Variants in CSMD1 observed in about 807,000 individuals in gnomAD.
CSMD1 encodes CUB and sushi domain-containing protein 1.
A neutral mutation model predicts 417.5 loss-of-function variants in CSMD1; 213 were observed. The ratio of observed to expected loss-of-function variants is 0.51; its 90% CI spans 0.46 to 0.57. The LOEUF is 0.57. CSMD1 is among the 20% of genes least tolerant of loss of function. The pLI is 0.00. For synonymous variants in CSMD1, 2,862 were observed against 1,736.8 expected (o/e 1.65, Z -16.11); for missense variants, 6,923 against 4,529.7 (o/e 1.53, Z -15.17).
intron 1 of CSMD1, among the ~76,000 whole-genome samples, chr8:4,793,787 A>G (rs1183273277): frequency 6.6e-6 from 1 of 151,068 alleles, no homozygotes; most frequent in Non-Finnish European, 1.5e-5. Flanking sequence ...TCTTTCTATG[A>G]CAAATCATGG....
rs377071972 is a variant in CSMD1, at chr8:3,586,149, C to T, written c.1209G>A (p.Arg403=). Residue 403 remains arginine (R), a synonymous_variant, in exon 9 of 70, where the codon AGG becomes AGA. Transcript: ENST00000635120. ...TETLAAWSDH[R]PICRARTCGS... ...CAGGTGCCTTACCTCGGCAGATGGGCCTGTGGTCACTCCAAGCAGCGAGCG... is the reference window on the plus strand; with the variant it reads ...CAGGTGCCTTACCTCGGCAGATGGGTCTGTGGTCACTCCAAGCAGCGAGCG... 1.7e-4 allele frequency: 273 copies of T among 1,612,624 alleles called. 2 individuals are homozygous for T. In the East Asian group the frequency reaches 4.2e-3, roughly 25 times the overall value.
chr8:3,435,870 C>T (rs931625727), intron 12 of CSMD1, among the ~76,000 whole-genome samples: 1 of 152,248 alleles, frequency 6.6e-6, no homozygotes, highest in Non-Finnish European at 1.5e-5. Flanking sequence ...GACTTTGCTT[C>T]TGCCCCACTG....
chr8:3,774,888 T>C (rs1042999993), intron 5 of CSMD1, among the ~76,000 whole-genome samples: 39 of 152,262 alleles, frequency 2.6e-4, no homozygotes, highest in African/African-American at 9.1e-4. Flanking sequence ...AGCCCATATG[T>C]ACACAATGTC....
chr8:3,078,603 A>C (rs1813858600), intron 49 of CSMD1, among the ~76,000 whole-genome samples: 1 of 152,228 alleles, frequency 6.6e-6, no homozygotes. Flanking sequence ...TACACAAGCT[A>C]AAAATGGCTT....
At chr8:3,452,372 A>T (rs1815790685) in intron 12 of CSMD1, among the ~76,000 whole-genome samples, 1 of 152,178 alleles carries the variant, frequency 6.6e-6, no homozygotes, top group South Asian at 2.1e-4. Flanking sequence ...CAGTGGTGAG[A>T]GAGGGCACTC....
chr8:4,205,204 C>T (rs942861722), intron 3 of CSMD1, among the ~76,000 whole-genome samples: 7 of 152,188 alleles, frequency 4.6e-5, no homozygotes, highest in South Asian at 2.1e-4. Context: ...AATAGCATTG[C>T]ACATTTCTCT....
intron 57 of CSMD1, among the ~76,000 whole-genome samples, chr8:2,968,199 A>T (rs1301931576): frequency 1.3e-5 from 2 of 152,374 alleles, no homozygotes; most frequent in East Asian, 3.9e-4. Context: ...ACAACTATTC[A>T]TTCAACAAAC....
chr8:3,403,957 C>G (rs1812192068), intron 15 of CSMD1, among the ~76,000 whole-genome samples: 1 of 152,138 alleles, frequency 6.6e-6, no homozygotes, highest in Admixed American at 6.5e-5. Context: ...TGTTGCCCTT[C>G]TATTTATCAA....
At chr8:3,947,407 A>G (rs1019667990) in intron 5 of CSMD1, among the ~76,000 whole-genome samples, 49 of 152,188 alleles carry the variant, frequency 3.2e-4, no homozygotes, top group Non-Finnish European at 6.2e-4. Context: ...TATCCTTTTT[A>G]TAAATCACTG....
chr8:3,955,196 AG>A (rs1376129851), intron 5 of CSMD1, among the ~76,000 whole-genome samples: 1 of 152,204 alleles, frequency 6.6e-6, no homozygotes, highest in Non-Finnish European at 1.5e-5. Context: ...GACCACGTGC[AG>A]AGCACCTTGA....
At chr8:3,608,811 T>A (rs1360441277) in intron 8 of CSMD1, among the ~76,000 whole-genome samples, 1 of 150,724 alleles carries the variant, frequency 6.6e-6, no homozygotes, top group African/African-American at 2.4e-5. Context: ...TCACGGCCAA[T>A]GCTAGTCTAT....
chr8:4,035,122 C>T (rs1198679858), intron 3 of CSMD1, among the ~76,000 whole-genome samples: 1 of 152,036 alleles, frequency 6.6e-6, no homozygotes, highest in Middle Eastern at 3.2e-3. Context: ...AACAACAGCT[C>T]AATGATACGA....
At chr8:3,469,947 G>C (rs1020106058) in intron 11 of CSMD1, among the ~76,000 whole-genome samples, 3 of 152,144 alleles carry the variant, frequency 2.0e-5, no homozygotes, top group African/African-American at 7.2e-5. Flanking sequence ...TTGTTGGCTT[G>C]TTTGAAGAGA....
chr8:3,287,484 G>T (rs1027226059), intron 25 of CSMD1, among the ~76,000 whole-genome samples: 2 of 152,078 alleles, frequency 1.3e-5, no homozygotes, highest in Non-Finnish European at 2.9e-5. Context: ...TCCTTGAGCA[G>T]TGGTTTGTAG....
intron 10 of CSMD1, among the ~76,000 whole-genome samples, chr8:3,505,542 G>C (rs923582916): frequency 6.6e-6 from 1 of 152,086 alleles, no homozygotes; most frequent in Non-Finnish European, 1.5e-5. Context: ...GACAATAATA[G>C]GAATACGTCA....
intron 5 of CSMD1, among the ~76,000 whole-genome samples, chr8:3,940,281 G>A (rs1378957405): frequency 6.6e-6 from 1 of 152,000 alleles, no homozygotes; most frequent in Non-Finnish European, 1.5e-5. Flanking sequence ...ATTAATGATA[G>A]ACATTTTAGG....
At chr8:4,324,621 C>G (rs537078086) in intron 3 of CSMD1, among the ~76,000 whole-genome samples, 2 of 152,276 alleles carry the variant, frequency 1.3e-5, no homozygotes, top group South Asian at 4.1e-4. Flanking sequence ...CATTTATGAC[C>G]TCCCATACAG....
At chr8:3,086,314 A>G (rs1814527341) in intron 49 of CSMD1, among the ~76,000 whole-genome samples, 2 of 152,226 alleles carry the variant, frequency 1.3e-5, no homozygotes, top group Admixed American at 6.5e-5. Context: ...AGTAGAGGTA[A>G]AACATAAATA....
intron 11 of CSMD1, among the ~76,000 whole-genome samples, chr8:3,493,312 AGGGGGGGCGGAGGGGTTGATTTG>A (rs1796214007): frequency 7.9e-6 from 1 of 126,336 alleles, no homozygotes; most frequent in African/African-American, 3.0e-5. Context: ...AAAAAAAAAA[AGGGGGGGCGGAGGGGTTGATTTG>A]AAAAATTTAT....
Sources: allele counts gnomAD v4.1 joint callset (sites outside exome capture counted in the v4.1 genomes callset), GRCh38; gene constraint gnomAD v4.1.1; transcripts MANE v1.5; gene names NCBI Gene and HGNC (gene_info 2026-07-23, HGNC 2026-07-21).